CDIN1: variants seen among roughly 807,000 people sequenced by gnomAD.
CDIN1 encodes the protein CDAN1-interacting nuclease 1.
Under a neutral mutation model 45.3 loss-of-function variants are expected in CDIN1, and 33 were observed. The ratio of observed to expected loss-of-function variants is 0.73; its 90% CI spans 0.55 to 0.97. The LOEUF is 0.97. Among genes scored for constraint, CDIN1 ranks in the 50% least tolerant of loss-of-function variants. The pLI, the probability that CDIN1 is intolerant of heterozygous loss-of-function variation, is 0.00. For missense variants in CDIN1, 303 were observed against 339.4 expected (o/e 0.89, Z 0.84); for synonymous variants, 118 against 124.4 (o/e 0.95, Z 0.34).
At chr15:36,694,279 A>G (rs909756803) in intron 7 of CDIN1, among the ~76,000 whole-genome samples, 1 of 152,220 alleles carries the variant, frequency 6.6e-6, no homozygotes, top group Non-Finnish European at 1.5e-5. Context: ...TAGACTGATC[A>G]GCATAATTAT....
intron 1 of CDIN1, among the ~76,000 whole-genome samples, chr15:36,605,216 G>A (rs1164928104): frequency 2.0e-5 from 3 of 152,036 alleles, no homozygotes; most frequent in African/African-American, 4.8e-5. Flanking sequence ...TTTTGTAAAG[G>A]ATTAACAGAT....
At chr15:36,660,725 A>G (rs1168773301) in intron 5 of CDIN1, among the ~76,000 whole-genome samples, 1 of 152,124 alleles carries the variant, frequency 6.6e-6, no homozygotes, top group Non-Finnish European at 1.5e-5. Context: ...CTTTTAGACT[A>G]CTTTTGTGTT....
chr15:36,602,848 C>T (rs1041680356), intron 1 of CDIN1, among the ~76,000 whole-genome samples: 3 of 152,090 alleles, frequency 2.0e-5, no homozygotes, highest in Non-Finnish European at 2.9e-5. Context: ...ATGAGCCAGG[C>T]GTGGTGGCAG....
At chr15:36,616,249 G>T (rs867978267) in intron 1 of CDIN1, among the ~76,000 whole-genome samples, 34 of 151,844 alleles carry the variant, frequency 2.2e-4, no homozygotes, top group African/African-American at 7.7e-4. Context: ...TTCTGTTTTG[G>T]TCATTTTTTT....
chr15:36,745,265 T>C (rs187239468), intron 10 of CDIN1, among the ~76,000 whole-genome samples: 2 of 152,184 alleles, frequency 1.3e-5, no homozygotes, highest in Admixed American at 6.5e-5. Flanking sequence ...TAAAAGATAA[T>C]AAATTTGTCA....
At position 36,773,618 on chromosome 15, in the gene CDIN1, C is replaced by T. The variant is rs140586484; in HGVS notation, c.717-34706C>T. Among the ~76,000 whole-genome samples, 973 of 152,158 alleles carry T rather than the reference C, an allele frequency of 6.4e-3. 9 individuals carry two copies. The highest frequency in any genetic ancestry group is 0.022 in the African/African-American group (896 of 41,522). ...CTTAAAGTATGGGATGAAATAATTC[C>T]AGGCAGAAGCAGAACAAGTAAAGCA... On this transcript the variant is annotated intron_variant, in intron 10 of 10. Transcript: ENST00000566621.
Position 36,792,466 on chromosome 15 carries a change from G to A in CDIN1, c.717-15858G>A, listed in dbSNP as rs79342339. Reference sequence around the variant, plus strand: ...ACTTCTCAAAAAATACAAATCGGGGGAACCCTGTGGAGCTGGGCTGTGAAT... The same window carrying A: ...ACTTCTCAAAAAATACAAATCGGGGAAACCCTGTGGAGCTGGGCTGTGAAT... On this transcript the variant is annotated intron_variant, in intron 10 of 10. Transcript: ENST00000566621. Among the ~76,000 whole-genome samples the A allele has an allele frequency of 3.6e-3, 552 of 152,200 alleles. 4 individuals carry two copies. Among genetic ancestry groups the A allele is most frequent in the African/African-American group, 0.013 (521 of 41,516 alleles).
chr15:36,740,821 G>A lies in CDIN1; in HGVS notation c.716+30860G>A, dbSNP rs540275989. On this transcript the variant is annotated intron_variant, in intron 10 of 10. Coordinates refer to ENST00000566621, the MANE Select transcript of CDIN1 (RefSeq NM_001321759.2). ...GGAGAATCGCTTGAACCCAGGAGGC[G>A]GAGGTTACGGTGAGCTGAGATCGCA... Among the ~76,000 whole-genome samples, 12 of 151,882 alleles carry A rather than the reference G, an allele frequency of 7.9e-5. No homozygotes were observed. The South Asian group carries it at 1.0e-3, about 13-fold the overall frequency.
chr15:36,725,928 T>C (rs1466534090), intron 10 of CDIN1, among the ~76,000 whole-genome samples: 1 of 152,182 alleles, frequency 6.6e-6, no homozygotes, highest in Non-Finnish European at 1.5e-5. Context: ...CTAATAAATA[T>C]AAAATAATTG....
chr15:36,750,564 G>T (rs1010481534), intron 10 of CDIN1, among the ~76,000 whole-genome samples: 2 of 152,116 alleles, frequency 1.3e-5, no homozygotes, highest in African/African-American at 2.4e-5. Flanking sequence ...TGGGATGGAG[G>T]GTGACGTTGC....
At chr15:36,798,940 T>C (rs2054913865) in intron 10 of CDIN1, 1 of 152,212 alleles carries the variant, frequency 6.6e-6, no homozygotes, top group Admixed American at 6.6e-5. Context: ...AACACCAAAA[T>C]GGACTGCACC....
chr15:36,632,406 GAGA>G (rs1236827900), intron 1 of CDIN1, among the ~76,000 whole-genome samples: 1 of 152,168 alleles, frequency 6.6e-6, no homozygotes, highest in Non-Finnish European at 1.5e-5. Context: ...ACACTAACCA[GAGA>G]AGATGACTCA....
At chr15:36,645,340 A>AGGTATT in intron 3 of CDIN1, 53 bp downstream of exon 3, 1 of 1,306,228 alleles carries the variant, frequency 7.7e-7, no homozygotes, top group Non-Finnish European at 1.1e-6. Flanking sequence ...TAATTGTAAT[A>AGGTATT]ATAATTATGA....
intron 5 of CDIN1, among the ~76,000 whole-genome samples, chr15:36,688,208 C>G (rs2140681614): frequency 6.6e-6 from 1 of 151,174 alleles, no homozygotes; most frequent in East Asian, 1.9e-4. Context: ...AACATTTGGT[C>G]TCATGAAAAT....
rs1341023733 is a variant in CDIN1 at position 36,579,778 on chromosome 15, C to T, written c.-83C>T. 4.3e-6 allele frequency: 5 copies of T among 1,152,176 alleles called. No individual in the cohort carries two copies. The Admixed American group carries it at 8.6e-5, about 20-fold the overall frequency. The allele number at this position is 1,152,176 out of a possible 1,614,324, so 71.4% of individuals were successfully genotyped here. A position where few individuals can be genotyped will look rare whatever the true frequency, so the allele number is the denominator to read the frequency against. On this transcript the variant is annotated 5_prime_UTR_variant, in exon 1 of 11. Transcript: ENST00000566621. ...ACCCGGGCCTGTGCCGCTTTGCCTA[C>T]CCCTCATCCCTCGGCACCAAGGCTA...
Position 36,808,809 on chromosome 15 carries a change from C to A in CDIN1, c.*356C>A, listed in dbSNP as rs1417680165. Reference sequence around the variant, plus strand: ...GACTGAAAGGTGTGATTTTTCAATTCTCCTCCCAGTTACCGAATCACCCTC... The same window carrying A: ...GACTGAAAGGTGTGATTTTTCAATTATCCTCCCAGTTACCGAATCACCCTC... On this transcript the variant is annotated 3_prime_UTR_variant, in exon 11 of 11. Transcript: ENST00000566621. The A allele has an allele frequency of 2.2e-6, 1 of 459,294 alleles. No individual in the cohort carries two copies. Among genetic ancestry groups the A allele is most frequent in the African/African-American group, 2.0e-5 (1 of 49,996 alleles). 28.5% of individuals were successfully genotyped at this position (459,294 alleles called of 1,614,324 possible).
intron 1 of CDIN1, among the ~76,000 whole-genome samples, chr15:36,636,534 A>G (rs1000820190): frequency 6.6e-6 from 1 of 152,200 alleles, no homozygotes; most frequent in South Asian, 2.1e-4. Context: ...CCTGAGCGAC[A>G]GAGCAAGACT....
intron 8 of CDIN1, among the ~76,000 whole-genome samples, chr15:36,703,652 A>C (rs982458540): frequency 2.0e-5 from 3 of 151,998 alleles, no homozygotes; most frequent in Non-Finnish European, 1.5e-5. Flanking sequence ...TGGGGGTCAA[A>C]CACGTTACTG....
chr15:36,597,908 G>GT (rs944623623), intron 1 of CDIN1, among the ~76,000 whole-genome samples: 7 of 152,076 alleles, frequency 4.6e-5, no homozygotes, highest in African/African-American at 1.4e-4. Context: ...ACCTGAGAGT[G>GT]TTTTTTGTGA....
Sources: allele counts gnomAD v4.1 joint callset (sites outside exome capture counted in the v4.1 genomes callset), GRCh38; gene constraint gnomAD v4.1.1; transcripts MANE v1.5; gene names NCBI Gene and HGNC (gene_info 2026-07-23, HGNC 2026-07-21).